The following CADPS variants were observed in gnomAD, a reference collection of about 807,000 sequenced individuals.
The protein encoded by CADPS is calcium dependent secretion activator, also known as calcium-dependent secretion activator 1.
In CADPS, 57 loss-of-function variants were observed where a neutral mutation model predicts 167.3. The observed-to-expected ratio is 0.34, with a 90% CI of 0.28 to 0.42. CADPS has a LOEUF of 0.42. Ranked by LOEUF, CADPS falls within the 20% of genes least tolerant of loss-of-function variation. CADPS has a pLI of 1.00. For synonymous variants in CADPS, 676 were observed against 635.3 expected (o/e 1.06, Z -0.96); for missense variants, 1,414 against 1,738.1 (o/e 0.81, Z 3.32).
chr3:62,437,278 A>G (rs1296555965), intron 28 of CADPS, among the ~76,000 whole-genome samples: 2 of 151,876 alleles, frequency 1.3e-5, no homozygotes, highest in East Asian at 1.9e-4. Flanking sequence ...ATCTGGCTAA[A>G]TTAGGTAGCC....
intron 23 of CADPS, among the ~76,000 whole-genome samples, chr3:62,476,039 C>T (rs952726209): frequency 3.9e-5 from 6 of 152,134 alleles, no homozygotes; most frequent in Admixed American, 3.3e-4. Flanking sequence ...TTTAACTCAA[C>T]TGACTCCTTG....
chr3:62,403,648 G>A (rs1356994170), intron 28 of CADPS: 2 of 152,460 alleles, frequency 1.3e-5, no homozygotes, highest in African/African-American at 4.8e-5. Context: ...TGTCTGCTAA[G>A]TACAATACTG....
chr3:62,715,721 G>A (rs955352502), intron 3 of CADPS, among the ~76,000 whole-genome samples: 2 of 145,344 alleles, frequency 1.4e-5, no homozygotes, highest in Non-Finnish European at 3.0e-5. Context: ...GTAATATGTG[G>A]TACCACATTT....
At chr3:62,660,312 A>T (rs2072871916) in intron 4 of CADPS, among the ~76,000 whole-genome samples, 1 of 152,190 alleles carries the variant, frequency 6.6e-6, no homozygotes, top group South Asian at 2.1e-4. Flanking sequence ...GAATGGACCA[A>T]ATGACCTCCA....
chr3:62,722,148 C>T (rs1188029870), intron 3 of CADPS, among the ~76,000 whole-genome samples: 1 of 152,212 alleles, frequency 6.6e-6, no homozygotes, highest in Non-Finnish European at 1.5e-5. Context: ...AAGGGGCAGC[C>T]TCTGAATTTT....
chr3:62,795,153 T>C (rs1460254409), intron 1 of CADPS, among the ~76,000 whole-genome samples: 2 of 152,108 alleles, frequency 1.3e-5, no homozygotes, highest in African/African-American at 4.8e-5. Flanking sequence ...CTCAAAATCT[T>C]GATCTCTTGT....
chr3:62,704,573 T>C (rs13062161), intron 3 of CADPS, among the ~76,000 whole-genome samples: 12,087 of 152,212 alleles, frequency 0.079, 636 homozygotes, highest in Non-Finnish European at 0.12. Context: ...TGGCTTCCTT[T>C]CTTCTGCCCA....
At chr3:62,499,135 G>A in intron 18 of CADPS, 27 bp downstream of exon 18, 6 of 1,447,172 alleles carry the variant, frequency 4.1e-6, no homozygotes, top group Non-Finnish European at 5.8e-6. Flanking sequence ...GGGACAGTAA[G>A]ATACACTTCC....
At position 62,600,944 on chromosome 3, in the gene CADPS, C is replaced by T. The variant is rs772929073; in HGVS notation, c.1326-8196G>A. Among the ~76,000 whole-genome samples the T allele has an allele frequency of 3.3e-5, 5 of 152,182 alleles. No individual in the cohort carries two copies. In the East Asian group the frequency reaches 9.7e-4, roughly 29 times the overall value. On this transcript the variant is annotated intron_variant, in intron 6 of 29. Coordinates refer to ENST00000383710, the MANE Select transcript of CADPS (RefSeq NM_003716.4). The stretch of plus-strand genomic sequence containing the variant: ...GGCCAGCCTGGGCAACATAGTGATA[C>T]CCAGTCTCTTAAAAAAATAGAACTG...
intron 3 of CADPS, among the ~76,000 whole-genome samples, chr3:62,729,800 A>T (rs1285103105): frequency 6.6e-6 from 1 of 151,666 alleles, no homozygotes; most frequent in Admixed American, 6.6e-5. Context: ...CAAGGAAGGG[A>T]GACCTTCTTT....
chr3:62,769,788 C>T (rs1252040422), intron 1 of CADPS, among the ~76,000 whole-genome samples: 2 of 152,040 alleles, frequency 1.3e-5, no homozygotes. Flanking sequence ...GGCTTGGGGT[C>T]CAAGAGACAC....
intron 1 of CADPS, among the ~76,000 whole-genome samples, chr3:62,773,496 ATCC>A (rs368834023): frequency 0.023 from 3,453 of 152,280 alleles, 64 homozygotes; most frequent in South Asian, 0.061. Context: ...TGAGGCTGTT[ATCC>A]TAGACTTCCC....
At chr3:62,422,540 T>C (rs2051661602) in intron 28 of CADPS, among the ~76,000 whole-genome samples, 1 of 152,186 alleles carries the variant, frequency 6.6e-6, no homozygotes, top group Non-Finnish European at 1.5e-5. Flanking sequence ...ACTTTTTTTC[T>C]CTTTCATCAC....
At chr3:62,573,643 C>T (rs1199177229) in intron 8 of CADPS, among the ~76,000 whole-genome samples, 1 of 152,206 alleles carries the variant, frequency 6.6e-6, no homozygotes, top group African/African-American at 2.4e-5. Flanking sequence ...TTGGTACAAC[C>T]TATGCTGCCT....
chr3:62,646,480 ATTTTC>A (rs1362091214), intron 5 of CADPS, among the ~76,000 whole-genome samples: 1 of 152,100 alleles, frequency 6.6e-6, no homozygotes, highest in Non-Finnish European at 1.5e-5. Context: ...CCAGGCTCTT[ATTTTC>A]TTTAAAAATA....
chr3:62,661,311 C>T (rs2073148460), intron 4 of CADPS, among the ~76,000 whole-genome samples: 1 of 152,102 alleles, frequency 6.6e-6, no homozygotes, highest in Non-Finnish European at 1.5e-5. Flanking sequence ...GTGGAAAGGA[C>T]TAACTGCTAA....
rs769916132 is a variant in CADPS, at chr3:62,478,449, C to A, written c.3174-33G>T. 3.1e-6 allele frequency: 5 copies of A among 1,596,472 alleles called. No homozygotes were observed. The highest frequency in any genetic ancestry group is 1.1e-5 in the South Asian group (1 of 89,064). The stretch of plus-strand genomic sequence containing the variant: ...GACAAAAATTAGAAAATGAGAGTCA[C>A]CCACTGGCCTCAGGCTCTACAAAAA... On this transcript the variant is annotated intron_variant, in intron 22 of 29. Transcript: ENST00000383710. This position sits in a 1 kb window ranked among gnomAD's most constrained non-coding sequence, Gnocchi z 5.7.
chr3:62,852,696 A>G (rs922306326), intron 1 of CADPS, among the ~76,000 whole-genome samples: 3 of 152,112 alleles, frequency 2.0e-5, no homozygotes, highest in Non-Finnish European at 2.9e-5. Flanking sequence ...AAGATGATCC[A>G]TAATTTCCAC....
chr3:62,755,574 T>G (rs2083698839), intron 2 of CADPS, among the ~76,000 whole-genome samples: 1 of 152,156 alleles, frequency 6.6e-6, no homozygotes. Flanking sequence ...TGCCTCATGC[T>G]TCATCACAAA....
Sources: allele counts gnomAD v4.1 joint callset (sites outside exome capture counted in the v4.1 genomes callset), GRCh38; gene constraint gnomAD v4.1.1; non-coding constraint Gnocchi (gnomAD v3.1); transcripts MANE v1.5; gene names NCBI Gene and HGNC (gene_info 2026-07-23, HGNC 2026-07-21).